Variants in SLCO1C1 observed in about 807,000 individuals in gnomAD.
SLCO1C1 encodes solute carrier organic anion transporter family member 1C1, also known as OAT-RP-5.
A neutral mutation model predicts 76.4 loss-of-function variants in SLCO1C1; 70 were observed. The observed-to-expected ratio is 0.92, with a 90% confidence interval of 0.76 to 1.12. The LOEUF is 1.12. Ranked by LOEUF, SLCO1C1 falls within the 50% of genes most tolerant of loss-of-function variation. SLCO1C1 has a pLI of 0.00. For synonymous variants in SLCO1C1, 306 were observed against 286.1 expected (o/e 1.07, Z -0.70); for missense variants, 912 against 823.8 (o/e 1.11, Z -1.31).
At chr12:20,709,454 C>T (rs1946951138) in intron 4 of SLCO1C1, among the ~76,000 whole-genome samples, 1 of 152,158 alleles carries the variant, frequency 6.6e-6, no homozygotes, top group South Asian at 2.1e-4. Context: ...TTTCAAAATA[C>T]TCCATGATCA....
At chr12:20,717,987 C>G (rs1374654303) in intron 7 of SLCO1C1, among the ~76,000 whole-genome samples, 1 of 152,012 alleles carries the variant, frequency 6.6e-6, no homozygotes, top group Non-Finnish European at 1.5e-5. Context: ...AAGCAAAATT[C>G]TTGCATTTAA....
chr12:20,710,200 C>CTTTTTTTTTTTTTTTTT (rs914645913), intron 4 of SLCO1C1, among the ~76,000 whole-genome samples: 4 of 75,480 alleles, frequency 5.3e-5, no homozygotes, highest in African/African-American at 3.2e-4. Flanking sequence ...CTCTACTTTT[C>CTTTTTTTTTTTTTTTTT]TTTTTTTTTT....
intron 11 of SLCO1C1, 93 bp from the exon 12 acceptor site, chr12:20,740,091 A>C: frequency 8.2e-7 from 1 of 1,225,280 alleles, no homozygotes; most frequent in Non-Finnish European, 1.1e-6. Context: ...TGTTTACATA[A>C]TGCATGGCTA....
intron 4 of SLCO1C1, among the ~76,000 whole-genome samples, chr12:20,707,768 A>G (rs1241329611): frequency 6.6e-6 from 1 of 152,130 alleles, no homozygotes; most frequent in Non-Finnish European, 1.5e-5. Context: ...CAGATGAATA[A>G]TTTTATTACT....
intron 13 of SLCO1C1, 42 bp from the exon 14 acceptor site, chr12:20,750,633 T>C (rs758643757): frequency 1.0e-5 from 16 of 1,550,490 alleles, no homozygotes; most frequent in Non-Finnish European, 1.4e-5. Flanking sequence ...GACAAAAAGA[T>C]GTGCATATGT....
chr12:20,730,791 T>C (rs574041867), intron 9 of SLCO1C1, among the ~76,000 whole-genome samples: 1 of 152,284 alleles, frequency 6.6e-6, no homozygotes, highest in African/African-American at 2.4e-5. Context: ...TTTGTTATCA[T>C]CTGTACATGT....
intron 4 of SLCO1C1, 98 bp from the exon 5 acceptor site, chr12:20,711,288 G>A (rs1380282727): frequency 7.3e-7 from 1 of 1,362,036 alleles, no homozygotes; most frequent in South Asian, 1.5e-5. Flanking sequence ...ACAGCTGCAA[G>A]CTCAACCTGG....
chr12:20,722,143 A>G, intron 8 of SLCO1C1, 94 bp downstream of exon 8: 1 of 1,453,134 alleles, frequency 6.9e-7, no homozygotes. Flanking sequence ...TTCGTGTATT[A>G]AAAAGTTGAG....
At chr12:20,718,104 G>C (rs1947473187) in intron 7 of SLCO1C1, among the ~76,000 whole-genome samples, 1 of 152,058 alleles carries the variant, frequency 6.6e-6, no homozygotes, top group Non-Finnish European at 1.5e-5. Flanking sequence ...CTACAGTTCT[G>C]AACAAATCAG....
In SLCO1C1 at chr12:20,751,185, G is replaced by C. The variant is rs111667867; in HGVS notation, c.1916+393G>C. On this transcript the variant is annotated intron_variant, in intron 14 of 14. Coordinates refer to ENST00000266509, the MANE Select transcript of SLCO1C1 (RefSeq NM_017435.5). Reference sequence around the variant, plus strand: ...GAGCCAAACTGTACCACTTACGTCAGATATAATACCCCTGGGCAAGAGTTG... The same window carrying C: ...GAGCCAAACTGTACCACTTACGTCACATATAATACCCCTGGGCAAGAGTTG... Among the ~76,000 whole-genome samples, 997 of 152,220 alleles carry C rather than the reference G, an allele frequency of 6.5e-3. 21 individuals are homozygous for C. Among genetic ancestry groups the C allele is most frequent in the African/African-American group, 0.023 (946 of 41,554 alleles).
chr12:20,706,752 T>G (rs1254737998), intron 4 of SLCO1C1, among the ~76,000 whole-genome samples: 1 of 152,154 alleles, frequency 6.6e-6, no homozygotes, highest in Non-Finnish European at 1.5e-5. Flanking sequence ...TTTTGTAAAT[T>G]TAGGTGTCTT....
chr12:20,711,058 T>A (rs544281153), intron 4 of SLCO1C1, among the ~76,000 whole-genome samples: 1 of 152,052 alleles, frequency 6.6e-6, no homozygotes, highest in Non-Finnish European at 1.5e-5. Flanking sequence ...CTAACAACAG[T>A]TGATGAGCTA....
intron 10 of SLCO1C1, among the ~76,000 whole-genome samples, chr12:20,733,579 A>G (rs1206754360): frequency 1.3e-5 from 2 of 152,210 alleles, no homozygotes; most frequent in Non-Finnish European, 2.9e-5. Flanking sequence ...ATTCATGGAA[A>G]CAATTGTTTT....
At chr12:20,730,157 G>T (rs1030959776) in intron 9 of SLCO1C1, among the ~76,000 whole-genome samples, 22 of 152,166 alleles carry the variant, frequency 1.4e-4, no homozygotes, top group African/African-American at 5.3e-4. Context: ...TTTCAGTTCG[G>T]AGTTTGGTTT....
At chr12:20,746,356 G>GAA (rs34727412) in intron 13 of SLCO1C1, among the ~76,000 whole-genome samples, 3 of 151,834 alleles carry the variant, frequency 2.0e-5, no homozygotes, top group Admixed American at 1.3e-4. Flanking sequence ...AAATAAAGGA[G>GAA]AAAAAAATCA....
intron 3 of SLCO1C1, among the ~76,000 whole-genome samples, chr12:20,703,492 G>T (rs1178886898): frequency 6.6e-6 from 1 of 151,808 alleles, no homozygotes; most frequent in Non-Finnish European, 1.5e-5. Flanking sequence ...TTTCTCTTGT[G>T]TTTGACCTTG....
At chr12:20,711,254 T>C (rs1947082767) in intron 4 of SLCO1C1, 132 bp from the exon 5 acceptor site, 3 of 1,009,616 alleles carry the variant, frequency 3.0e-6, no homozygotes, top group African/African-American at 3.3e-5. Context: ...AACACTGGCT[T>C]GATTTGGTGA....
At chr12:20,746,399 CA>C (rs1190154065) in intron 13 of SLCO1C1, among the ~76,000 whole-genome samples, 24 of 151,848 alleles carry the variant, frequency 1.6e-4, no homozygotes, top group African/African-American at 5.8e-4. Context: ...AACTGTATGT[CA>C]AAGTAACCAA....
chr12:20,712,311 A>G (rs1947148069), intron 5 of SLCO1C1, among the ~76,000 whole-genome samples: 1 of 152,126 alleles, frequency 6.6e-6, no homozygotes, highest in Non-Finnish European at 1.5e-5. Context: ...CTTCTATATC[A>G]CTGTAGACAC....
Sources: gnomAD v4.1 joint callset for allele counts (sites outside exome capture counted in the v4.1 genomes callset) on GRCh38, gnomAD v4.1.1 for gene constraint, MANE v1.5 for transcripts, NCBI Gene and HGNC (gene_info 2026-07-23, HGNC 2026-07-21) for gene names.